TNS3: variants seen among roughly 807,000 people sequenced by gnomAD.
The protein encoded by TNS3 is tensin 3.
A neutral mutation model predicts 140.9 loss-of-function variants in TNS3; 45 were observed. That is an observed-to-expected ratio of 0.32 (90% CI 0.25 to 0.41). The LOEUF is 0.41. TNS3 is among the 10% of genes least tolerant of loss of function. The pLI, the probability that TNS3 is intolerant of heterozygous loss-of-function variation, is 1.00. For missense variants in TNS3, 1,716 were observed against 1,906.7 expected (o/e 0.90, Z 1.86); for synonymous variants, 815 against 788.4 (o/e 1.03, Z -0.56).
intron 9 of TNS3, 99 bp from the exon 10 acceptor site, chr7:47,424,283 G>C (rs1794532787): frequency 8.6e-7 from 1 of 1,157,652 alleles, no homozygotes; most frequent in South Asian, 1.4e-5. Context: ...AAAGCGACCA[G>C]CTCCCACAAG....
intron 4 of TNS3, among the ~76,000 whole-genome samples, chr7:47,444,184 G>A (rs1795607184): frequency 1.3e-5 from 2 of 152,166 alleles, no homozygotes; most frequent in Admixed American, 1.3e-4. Flanking sequence ...TCTCAGGGGA[G>A]AACAGCAAGG....
At chr7:47,413,320 C>T (rs1417593699) in intron 12 of TNS3, among the ~76,000 whole-genome samples, 2 of 131,806 alleles carry the variant, frequency 1.5e-5, no homozygotes, top group East Asian at 2.4e-4. Context: ...GGTGTGATCT[C>T]GGCTCACTGC....
At chr7:47,419,012 G>A (rs940322593) in intron 10 of TNS3, among the ~76,000 whole-genome samples, 1 of 152,262 alleles carries the variant, frequency 6.6e-6, no homozygotes, top group Non-Finnish European at 1.5e-5. Context: ...CAGGAAAGGT[G>A]AGCTGGGCCA....
intron 16 of TNS3, among the ~76,000 whole-genome samples, chr7:47,386,643 C>T (rs996700306): frequency 4.6e-5 from 7 of 152,226 alleles, no homozygotes; most frequent in Non-Finnish European, 8.8e-5. Context: ...CGAGCCGAGG[C>T]GGTCTCAGCT....
chr7:47,361,474 G>A lies in TNS3; in HGVS notation c.2281+6891C>T, dbSNP rs555803123. Among the ~76,000 whole-genome samples, 241 of 152,264 alleles carry A rather than the reference G, an allele frequency of 1.6e-3. 12 individuals are homozygous for A. The South Asian group carries it at 0.048, about 30-fold the overall frequency. Reference sequence around the variant, plus strand: ...GGCTCTGGCTGAGCACCCCCAGCACGTTCCCCAACTCTGGAGTTGAAATGA... The same window carrying A: ...GGCTCTGGCTGAGCACCCCCAGCACATTCCCCAACTCTGGAGTTGAAATGA... On this transcript the variant is annotated intron_variant, in intron 17 of 30. Coordinates refer to ENST00000311160, the MANE Select transcript of TNS3 (RefSeq NM_022748.12).
chr7:47,487,443 TCTCTA>T (rs892138476), intron 3 of TNS3, among the ~76,000 whole-genome samples: 27 of 152,168 alleles, frequency 1.8e-4, no homozygotes, highest in Admixed American at 1.4e-3. Context: ...ACAGGTGAAG[TCTCTA>T]CTCTACTCTG....
intron 4 of TNS3, among the ~76,000 whole-genome samples, chr7:47,454,508 C>T (rs920623395): frequency 1.3e-5 from 2 of 152,222 alleles, no homozygotes; most frequent in Non-Finnish European, 2.9e-5. Flanking sequence ...GCCAGCAGCA[C>T]TCATCATCAG....
chr7:47,540,765 T>A (rs1267565544), intron 1 of TNS3, among the ~76,000 whole-genome samples: 1 of 152,086 alleles, frequency 6.6e-6, no homozygotes, highest in African/African-American at 2.4e-5. Flanking sequence ...AGCGCCGTAT[T>A]TTTGGTGAAC....
chr7:47,517,723 A>T (rs1227258537), intron 2 of TNS3, among the ~76,000 whole-genome samples: 2 of 152,228 alleles, frequency 1.3e-5, no homozygotes, highest in Non-Finnish European at 2.9e-5. Flanking sequence ...GAAAATCAAC[A>T]GGAACCGTGG....
At chr7:47,535,683 A>G (rs918476546) in intron 1 of TNS3, among the ~76,000 whole-genome samples, 4 of 152,238 alleles carry the variant, frequency 2.6e-5, no homozygotes, top group African/African-American at 9.6e-5. Flanking sequence ...GGACACAGTA[A>G]TTAGTGCTGG....
chr7:47,327,413 G>C (rs1430449738), intron 20 of TNS3, among the ~76,000 whole-genome samples: 1 of 152,190 alleles, frequency 6.6e-6, no homozygotes, highest in Non-Finnish European at 1.5e-5. Context: ...AGAAACAACT[G>C]TGCTGGGTGC....
chr7:47,287,532 G>A (rs1225019921), intron 27 of TNS3, among the ~76,000 whole-genome samples: 1 of 152,190 alleles, frequency 6.6e-6, no homozygotes, highest in African/African-American at 2.4e-5. Context: ...TCACTAAATT[G>A]CTGGAGGTCA....
rs774626080 is a variant in TNS3 at position 47,369,416 on chromosome 7, G to C, written c.1230C>G (p.Ala410=). 1 of 1,614,046 alleles carries C rather than the reference G, an allele frequency of 6.2e-7. No homozygotes were observed. Among genetic ancestry groups the C allele is most frequent in the South Asian group, 1.1e-5 (1 of 91,064 alleles). The change falls in exon 17 of 31, where the codon GCC becomes GCG. Residue 410 remains alanine, a synonymous_variant. Transcript: ENST00000311160. Reference sequence around the variant, plus strand: ...CACTCAGGCCCCTCCTGGTTCCTGGGGCCAGGCGCTCTTCCGTCTTATCCG... The same window carrying C: ...CACTCAGGCCCCTCCTGGTTCCTGGCGCCAGGCGCTCTTCCGTCTTATCCG... ...ARTDKTEERL[A]PGTRRGLSAQ...
intron 17 of TNS3, among the ~76,000 whole-genome samples, chr7:47,356,799 G>A (rs752180769): frequency 3.9e-5 from 6 of 152,188 alleles, no homozygotes; most frequent in South Asian, 2.1e-4. Flanking sequence ...AACAGGGGCC[G>A]GGCACAGTGG....
intron 1 of TNS3, among the ~76,000 whole-genome samples, chr7:47,529,727 T>C (rs1368558766): frequency 6.6e-6 from 1 of 152,218 alleles, no homozygotes; most frequent in Admixed American, 6.5e-5. Context: ...GCATTAGCAC[T>C]TGGAAAAACT....
intron 27 of TNS3, among the ~76,000 whole-genome samples, chr7:47,284,432 A>G (rs1034867754): frequency 6.6e-6 from 1 of 152,180 alleles, no homozygotes; most frequent in African/African-American, 2.4e-5. Flanking sequence ...CTGGCTCCCC[A>G]TGCTGCCAAG....
chr7:47,283,873 A>T lies in TNS3; in HGVS notation c.3929-8T>A. ...AGTACCACACATTGCAGGCTGGAAG[A>T]CACCAAGGGAGACACATGTTAGTTG... On this transcript the variant is annotated splice_region_variant and splice_polypyrimidine_tract_variant and intron_variant, in intron 27 of 30. Transcript: ENST00000311160. 8 of 1,569,832 alleles carry T rather than the reference A, an allele frequency of 5.1e-6. No homozygotes were observed. The highest frequency in any genetic ancestry group is 6.9e-6 in the Non-Finnish European group (8 of 1,160,142).
intron 2 of TNS3, among the ~76,000 whole-genome samples, chr7:47,523,168 T>A (rs1015741412): frequency 6.6e-6 from 1 of 152,058 alleles, no homozygotes; most frequent in Non-Finnish European, 1.5e-5. Context: ...TACTGCATCC[T>A]CACATAGCCA....
At chr7:47,302,048 G>A (rs988731804) in intron 23 of TNS3, 138 bp downstream of exon 23, 13 of 671,424 alleles carry the variant, frequency 1.9e-5, no homozygotes, top group Non-Finnish European at 2.6e-5. Flanking sequence ...ATGGAATAAC[G>A]TGTGGGCCCT....
Sources: gnomAD v4.1 joint callset for allele counts (sites outside exome capture counted in the v4.1 genomes callset) on GRCh38, gnomAD v4.1.1 for gene constraint, MANE v1.5 for transcripts, NCBI Gene and HGNC (gene_info 2026-07-23, HGNC 2026-07-21) for gene names.